SGCZ: variants seen among roughly 807,000 people sequenced by gnomAD.
The protein encoded by SGCZ is zeta-sarcoglycan.
SGCZ carries 40 observed loss-of-function variants against 41.3 expected under a neutral mutation model. That is an observed-to-expected ratio of 0.97 (90% confidence interval 0.75 to 1.26). The LOEUF is 1.26. Ranked by LOEUF, SGCZ falls within the 50% of genes most tolerant of loss-of-function variation. The probability of loss-of-function intolerance (pLI) is 0.00; values close to 1 mark genes in which losing one functional copy is unlikely to be tolerated. For missense variants in SGCZ, 552 were observed against 369.8 expected (o/e 1.49, Z -4.04); for synonymous variants, 206 against 137.5 (o/e 1.50, Z -3.49).
intron 3 of SGCZ, among the ~76,000 whole-genome samples, chr8:14,244,184 TTCCTCCTCCTCTTCCTTCTTCC>T (rs1798995504): frequency 7.7e-5 from 1 of 12,914 alleles, no homozygotes; most frequent in African/African-American, 2.7e-4. Flanking sequence ...CTCTTCCTTC[TTCCTCCTCCTCTTCCTTCTTCC>T]TCCTCTTCCT....
intron 1 of SGCZ, among the ~76,000 whole-genome samples, chr8:15,096,771 C>T (rs1031704770): frequency 6.6e-6 from 1 of 152,042 alleles, no homozygotes; most frequent in Non-Finnish European, 1.5e-5. Context: ...CTGTAACCTC[C>T]ACCTCCAGAG....
At chr8:14,556,106 G>A (rs1285788904) in intron 1 of SGCZ, among the ~76,000 whole-genome samples, 1 of 151,712 alleles carries the variant, frequency 6.6e-6, no homozygotes, top group East Asian at 1.9e-4. Context: ...TGGATAAGAA[G>A]AGTAAAACAA....
At chr8:14,113,217 A>G (rs1273568331) in intron 5 of SGCZ, among the ~76,000 whole-genome samples, 1 of 152,054 alleles carries the variant, frequency 6.6e-6, no homozygotes, top group Non-Finnish European at 1.5e-5. Flanking sequence ...TACTCCTGTA[A>G]TCTGAGCCCA....
chr8:14,931,763 C>T (rs73201298), intron 1 of SGCZ, among the ~76,000 whole-genome samples: 22,467 of 151,906 alleles, frequency 0.15, 2,106 homozygotes, highest in East Asian at 0.29. Context: ...AGAGCTTTGT[C>T]CAAGGGTTGA....
intron 1 of SGCZ, among the ~76,000 whole-genome samples, chr8:15,167,695 T>A (rs12056742): frequency 0.23 from 34,992 of 151,904 alleles, 4,922 homozygotes; most frequent in East Asian, 0.68. Context: ...AAAAATACGG[T>A]CTAGAGAGAG....
intron 4 of SGCZ, among the ~76,000 whole-genome samples, chr8:14,210,871 C>A (rs1018272971): frequency 2.0e-5 from 3 of 152,142 alleles, no homozygotes; most frequent in African/African-American, 7.2e-5. Flanking sequence ...AACTAAATGC[C>A]TAGACCATTG....
chr8:14,273,891 G>C (rs538912225), intron 3 of SGCZ, among the ~76,000 whole-genome samples: 2 of 152,074 alleles, frequency 1.3e-5, no homozygotes, highest in Admixed American at 1.3e-4. Flanking sequence ...TCTGAAAGAG[G>C]TAAAAAATGT....
chr8:14,628,800 C>A (rs1366140019), intron 1 of SGCZ, among the ~76,000 whole-genome samples: 1 of 152,090 alleles, frequency 6.6e-6, no homozygotes, highest in Non-Finnish European at 1.5e-5. Context: ...ATGCAAACTT[C>A]TGACTTAAAA....
intron 2 of SGCZ, among the ~76,000 whole-genome samples, chr8:14,332,154 G>T (rs1261475202): frequency 6.6e-6 from 1 of 152,120 alleles, no homozygotes; most frequent in Non-Finnish European, 1.5e-5. Flanking sequence ...AAAATATGAT[G>T]ACCGTGCACA....
intron 1 of SGCZ, among the ~76,000 whole-genome samples, chr8:15,222,251 T>C (rs898086622): frequency 6.6e-6 from 1 of 152,188 alleles, no homozygotes; most frequent in Non-Finnish European, 1.5e-5. Flanking sequence ...TTAGATTATG[T>C]CATCCATATT....
chr8:14,968,907 T>C (rs1337274355), intron 1 of SGCZ, among the ~76,000 whole-genome samples: 1 of 152,148 alleles, frequency 6.6e-6, no homozygotes, highest in Non-Finnish European at 1.5e-5. Flanking sequence ...TCGAGCTTTT[T>C]TTTCTCACAA....
chr8:14,670,014 C>G (rs374065676), intron 1 of SGCZ, among the ~76,000 whole-genome samples: 19 of 152,236 alleles, frequency 1.2e-4, no homozygotes, highest in African/African-American at 4.6e-4. Context: ...ATTTTGGAAG[C>G]AATAACTAAG....
intron 1 of SGCZ, among the ~76,000 whole-genome samples, chr8:14,677,471 A>G (rs1233286098): frequency 6.6e-6 from 1 of 152,162 alleles, no homozygotes; most frequent in Non-Finnish European, 1.5e-5. Context: ...TATGAATAAC[A>G]ACAAACTGAT....
intron 1 of SGCZ, among the ~76,000 whole-genome samples, chr8:14,819,131 TA>T (rs57311975): frequency 9.7e-4 from 140 of 144,174 alleles, no homozygotes; most frequent in Non-Finnish European, 1.2e-3. Flanking sequence ...GACAGAATTC[TA>T]AAAAAAAAAA....
chr8:14,498,026 A>G (rs892227102), intron 2 of SGCZ, among the ~76,000 whole-genome samples: 3 of 152,184 alleles, frequency 2.0e-5, no homozygotes, highest in Non-Finnish European at 4.4e-5. Context: ...GTGAAGATAC[A>G]TATCACATTT....
intron 2 of SGCZ, among the ~76,000 whole-genome samples, chr8:14,411,661 A>T (rs2117278031): frequency 6.6e-6 from 1 of 152,248 alleles, no homozygotes; most frequent in Non-Finnish European, 1.5e-5. Context: ...TAAAATGTCT[A>T]GCATATAATT....
chr8:15,133,295 T>G (rs374229152), intron 1 of SGCZ, among the ~76,000 whole-genome samples: 1 of 152,210 alleles, frequency 6.6e-6, no homozygotes, highest in African/African-American at 2.4e-5. Context: ...GAGTTATAAA[T>G]GTAACACAAG....
intron 2 of SGCZ, among the ~76,000 whole-genome samples, chr8:14,516,871 T>A (rs1204722204): frequency 6.6e-6 from 1 of 152,076 alleles, no homozygotes; most frequent in Admixed American, 6.6e-5. Flanking sequence ...TTGATAACTA[T>A]TTTATATAGA....
At chr8:15,211,111 A>G (rs1331138798) in intron 1 of SGCZ, among the ~76,000 whole-genome samples, 2 of 151,312 alleles carry the variant, frequency 1.3e-5, no homozygotes, top group Non-Finnish European at 2.9e-5. Flanking sequence ...AGCTATATCT[A>G]GATATTGATG....
Sources: allele counts gnomAD v4.1 joint callset (sites outside exome capture counted in the v4.1 genomes callset), GRCh38; gene constraint gnomAD v4.1.1; transcripts MANE v1.5; gene names NCBI Gene and HGNC (gene_info 2026-07-23, HGNC 2026-07-21).